FARS2: variants seen among roughly 807,000 people sequenced by gnomAD.
The protein encoded by FARS2 is phenylalanyl-tRNA synthetase 2, mitochondrial, also known as phenylalanine--tRNA ligase, mitochondrial.
A neutral mutation model predicts 46.4 loss-of-function variants in FARS2; 40 were observed. The ratio of observed to expected loss-of-function variants is 0.86; its 90% CI spans 0.67 to 1.12. The LOEUF (loss-of-function observed/expected upper bound fraction) is 1.12. FARS2 is among the 50% of genes most tolerant of loss of function. The probability of loss-of-function intolerance (pLI) is 0.00; values close to 1 mark genes in which losing one functional copy is unlikely to be tolerated. For missense variants in FARS2, 513 were observed against 567.9 expected (o/e 0.90, Z 0.98); for synonymous variants, 234 against 214.9 (o/e 1.09, Z -0.78).
At chr6:5,456,490 T>C (rs1258486997) in intron 4 of FARS2, among the ~76,000 whole-genome samples, 1 of 149,636 alleles carries the variant, frequency 6.7e-6, no homozygotes, top group Non-Finnish European at 1.5e-5. Flanking sequence ...TCCCAACACT[T>C]TGGGAGGCCG....
intron 1 of FARS2, among the ~76,000 whole-genome samples, chr6:5,342,978 G>GCTTA (rs920891844): frequency 6.6e-6 from 1 of 152,050 alleles, no homozygotes; most frequent in African/African-American, 2.4e-5. Context: ...TAGGTATACA[G>GCTTA]CTTACTACAG....
rs151116786 is a variant in FARS2, at chr6:5,529,343, C to G, written c.905-15837C>G. 1.5e-4 allele frequency among the ~76,000 whole-genome samples: 23 copies of G among 152,222 alleles called. No individual in the cohort carries two copies. The East Asian group carries it at 4.5e-3, about 30-fold the overall frequency. On this transcript the variant is annotated intron_variant, in intron 4 of 6. Transcript: ENST00000274680. ...TTCTTTTTTGAGACAGAGTCTCACT[C>G]TGTCGCCTGGCTGCAGTGCAGTGGC...
At chr6:5,352,289 T>A (rs747859686) in intron 1 of FARS2, among the ~76,000 whole-genome samples, 1 of 151,840 alleles carries the variant, frequency 6.6e-6, no homozygotes, top group Non-Finnish European at 1.5e-5. Context: ...TAATATTCTT[T>A]GAAGTTCACT....
chr6:5,563,870 C>G (rs113423085), intron 5 of FARS2, among the ~76,000 whole-genome samples: 2 of 152,078 alleles, frequency 1.3e-5, no homozygotes, highest in Non-Finnish European at 2.9e-5. Context: ...ATTGTAGCCC[C>G]TCAGGGCTGA....
intron 5 of FARS2, chr6:5,609,123 G>A (rs1775019876): frequency 4.4e-6 from 3 of 682,070 alleles, no homozygotes; most frequent in East Asian, 5.7e-5. Context: ...GTAGCAGCTA[G>A]GCCCTGCCAC....
intron 2 of FARS2, among the ~76,000 whole-genome samples, chr6:5,403,929 G>A (rs1039345450): frequency 1.3e-5 from 2 of 152,170 alleles, no homozygotes; most frequent in Non-Finnish European, 2.9e-5. Flanking sequence ...CCATTGGAAT[G>A]TGCCAGATAC....
chr6:5,366,025 G>C (rs1327875759), intron 1 of FARS2, among the ~76,000 whole-genome samples: 1 of 152,100 alleles, frequency 6.6e-6, no homozygotes, highest in African/African-American at 2.4e-5. Flanking sequence ...GGAGGCGGAA[G>C]GGGAGGCAGG....
intron 5 of FARS2, among the ~76,000 whole-genome samples, chr6:5,594,875 G>A (rs1019519892): frequency 2.0e-5 from 3 of 152,230 alleles, no homozygotes; most frequent in African/African-American, 7.2e-5. Context: ...GCTCCTGGTT[G>A]CCAGTGTATA....
intron 1 of FARS2, among the ~76,000 whole-genome samples, chr6:5,350,200 G>T (rs193137855): frequency 6.5e-4 from 95 of 145,144 alleles, no homozygotes; most frequent in Non-Finnish European, 1.3e-3. Flanking sequence ...TAGAGTTGGG[G>T]TCTCACTATG....
chr6:5,388,050 A>G (rs1323950161), intron 2 of FARS2, among the ~76,000 whole-genome samples: 2 of 151,280 alleles, frequency 1.3e-5, no homozygotes, highest in East Asian at 1.9e-4. Flanking sequence ...TTTTTTTTAC[A>G]TTATTACCTG....
chr6:5,647,194 T>A (rs1018260280), intron 6 of FARS2, among the ~76,000 whole-genome samples: 2 of 152,146 alleles, frequency 1.3e-5, no homozygotes, highest in Admixed American at 6.5e-5. Context: ...AAGTAGTGAG[T>A]CTGATTCTAG....
At chr6:5,739,689 T>A (rs959282129) in intron 6 of FARS2, among the ~76,000 whole-genome samples, 2 of 152,206 alleles carry the variant, frequency 1.3e-5, no homozygotes, top group Admixed American at 6.5e-5. Context: ...ATCTTCCTTC[T>A]AAACCTTCTT....
chr6:5,275,373 A>G (rs1203578160), intron 1 of FARS2, among the ~76,000 whole-genome samples: 2 of 152,120 alleles, frequency 1.3e-5, no homozygotes, highest in Non-Finnish European at 2.9e-5. Flanking sequence ...TTCTTATGAC[A>G]TCTTGTTCTT....
intron 4 of FARS2, among the ~76,000 whole-genome samples, chr6:5,540,448 A>G (rs1017518784): frequency 3.3e-5 from 5 of 152,054 alleles, no homozygotes; most frequent in Admixed American, 1.3e-4. Flanking sequence ...TAGCCTCCCA[A>G]CCCTTAATTG....
At chr6:5,490,889 C>T (rs1033454640) in intron 4 of FARS2, among the ~76,000 whole-genome samples, 9 of 152,176 alleles carry the variant, frequency 5.9e-5, no homozygotes. Flanking sequence ...TGCCTGCAGC[C>T]TCAGGGGACC....
At chr6:5,315,102 A>G (rs1481568531) in intron 1 of FARS2, among the ~76,000 whole-genome samples, 1 of 152,194 alleles carries the variant, frequency 6.6e-6, no homozygotes, top group Non-Finnish European at 1.5e-5. Context: ...TTTGTAAAGT[A>G]AGTTTTCTAT....
the FARS2 span, among the ~76,000 whole-genome samples, chr6:5,252,122 C>A: frequency 3.9e-5 from 6 of 152,282 alleles, no homozygotes; most frequent in Middle Eastern, 3.4e-3. Context: ...ACTCATGAAA[C>A]TAGGGAGCCT....
intron 4 of FARS2, among the ~76,000 whole-genome samples, chr6:5,520,322 C>T (rs1769054599): frequency 6.6e-6 from 1 of 152,150 alleles, no homozygotes; most frequent in Non-Finnish European, 1.5e-5. Flanking sequence ...ACTGGAGTCT[C>T]ACTCTTGCTG....
chr6:5,609,924 T>C (rs1490574572), intron 5 of FARS2: 18 of 1,237,254 alleles, frequency 1.5e-5, no homozygotes, highest in Non-Finnish European at 2.1e-5. Flanking sequence ...GAGAATCTTC[T>C]CTTGAGACAG....
Sources: gnomAD v4.1 joint callset for allele counts (sites outside exome capture counted in the v4.1 genomes callset) on GRCh38, gnomAD v4.1.1 for gene constraint, MANE v1.5 for transcripts, NCBI Gene and HGNC (gene_info 2026-07-23, HGNC 2026-07-21) for gene names.